Variants in GSK3B observed in about 807,000 individuals in gnomAD.
GSK3B encodes the protein glycogen synthase kinase 3 beta, also known as glycogen synthase kinase-3 beta.
Under a neutral mutation model 56.4 loss-of-function variants are expected in GSK3B, and 15 were observed. The ratio of observed to expected loss-of-function variants is 0.27; its 90% CI spans 0.18 to 0.41. GSK3B has a LOEUF of 0.41. GSK3B is among the 10% of genes least tolerant of loss of function. The pLI is 1.00. For synonymous variants in GSK3B, 181 were observed against 188.9 expected (o/e 0.96, Z 0.34); for missense variants, 300 against 513.4 (o/e 0.58, Z 4.02).
At chr3:120,003,371 A>G (rs1247910898) in intron 1 of GSK3B, among the ~76,000 whole-genome samples, 2 of 152,216 alleles carry the variant, frequency 1.3e-5, no homozygotes, top group Non-Finnish European at 2.9e-5. Flanking sequence ...ATCTGATCTA[A>G]AAGAGCTTTA....
chr3:119,943,791 GAA>G (rs1161218963), intron 3 of GSK3B, among the ~76,000 whole-genome samples: 1 of 151,696 alleles, frequency 6.6e-6, no homozygotes, highest in Non-Finnish European at 1.5e-5. Context: ...GTGTGGGGGA[GAA>G]GAGAGAGACA....
At chr3:119,981,862 G>C (rs1270598178) in intron 2 of GSK3B, among the ~76,000 whole-genome samples, 2 of 152,222 alleles carry the variant, frequency 1.3e-5, no homozygotes. Flanking sequence ...CACGGCATTT[G>C]AGCTCTGAGA....
intron 6 of GSK3B, 48 bp from the exon 7 acceptor site, chr3:119,905,900 C>T (rs1370470230): frequency 4.8e-6 from 5 of 1,033,684 alleles, no homozygotes; most frequent in Non-Finnish European, 7.6e-6. Flanking sequence ...ATAGCTTGAG[C>T]TGAAAAGTGT....
intron 4 of GSK3B, among the ~76,000 whole-genome samples, chr3:119,917,670 T>A (rs930974278): frequency 2.9e-4 from 42 of 146,652 alleles, no homozygotes; most frequent in Non-Finnish European, 4.8e-4. Context: ...TTTTTTTTTT[T>A]TAAAAAAAAA....
intron 2 of GSK3B, among the ~76,000 whole-genome samples, chr3:119,969,165 G>A (rs1476483761): frequency 6.6e-6 from 1 of 151,776 alleles, no homozygotes; most frequent in African/African-American, 2.4e-5. Flanking sequence ...GGTGGCACAC[G>A]CCTGTAATCC....
At chr3:120,030,489 A>G (rs949438788) in intron 1 of GSK3B, among the ~76,000 whole-genome samples, 2 of 152,176 alleles carry the variant, frequency 1.3e-5, no homozygotes, top group Admixed American at 6.5e-5. Context: ...AAAACCCTGT[A>G]AGATCTAGTT....
At chr3:119,944,646 T>C (rs2057082720) in intron 3 of GSK3B, among the ~76,000 whole-genome samples, 2 of 152,154 alleles carry the variant, frequency 1.3e-5, no homozygotes, top group South Asian at 2.1e-4. Flanking sequence ...CTCTTTATCC[T>C]ACTTTGTCAA....
intron 10 of GSK3B, among the ~76,000 whole-genome samples, chr3:119,831,796 C>A (rs1047399784): frequency 2.0e-5 from 3 of 152,186 alleles, no homozygotes; most frequent in Non-Finnish European, 4.4e-5. Context: ...ATTTCACTGA[C>A]TTTGAAGCTT....
chr3:120,054,061 T>C (rs1301738074), intron 1 of GSK3B, among the ~76,000 whole-genome samples: 2 of 152,210 alleles, frequency 1.3e-5, no homozygotes, highest in Non-Finnish European at 2.9e-5. Context: ...ATAACTGATA[T>C]TCATGGTAGC....
chr3:119,846,323 T>C (rs2055854421), intron 9 of GSK3B, among the ~76,000 whole-genome samples: 1 of 152,158 alleles, frequency 6.6e-6, no homozygotes, highest in Non-Finnish European at 1.5e-5. Context: ...AAAGAGCTTC[T>C]GCACAGCAAA....
chr3:119,930,469 T>G (rs1293659228), intron 3 of GSK3B, among the ~76,000 whole-genome samples: 1 of 152,180 alleles, frequency 6.6e-6, no homozygotes, highest in African/African-American at 2.4e-5. Context: ...GCTGTCAATT[T>G]ATAACCTCTG....
At chr3:120,015,083 T>C (rs528457462) in intron 1 of GSK3B, among the ~76,000 whole-genome samples, 23 of 152,222 alleles carry the variant, frequency 1.5e-4, no homozygotes, top group Non-Finnish European at 3.2e-4. Flanking sequence ...ACCTACTTAA[T>C]ATCTATAAAA....
At chr3:120,044,375 A>G (rs79368733) in intron 1 of GSK3B, among the ~76,000 whole-genome samples, 3,933 of 152,082 alleles carry the variant, frequency 0.026, 172 homozygotes, top group African/African-American at 0.089. Flanking sequence ...CAGGTATATG[A>G]TGGTATTGTG....
At chr3:120,032,004 T>C (rs922173994) in intron 1 of GSK3B, among the ~76,000 whole-genome samples, 1 of 152,202 alleles carries the variant, frequency 6.6e-6, no homozygotes, top group Non-Finnish European at 1.5e-5. Context: ...AGTCACTACA[T>C]GAGCTATTGA....
At chr3:119,955,253 A>C (rs1425115600) in intron 2 of GSK3B, among the ~76,000 whole-genome samples, 7 of 151,576 alleles carry the variant, frequency 4.6e-5, no homozygotes, top group Non-Finnish European at 7.4e-5. Context: ...AAAAAAACAC[A>C]AAAAAACTTA....
intron 2 of GSK3B, among the ~76,000 whole-genome samples, chr3:119,972,169 G>C (rs2057373655): frequency 6.6e-6 from 1 of 152,102 alleles, no homozygotes; most frequent in South Asian, 2.1e-4. Flanking sequence ...ATACAGGTAA[G>C]AGCTAATAAC....
chr3:119,977,192 T>G (rs1409296114), intron 2 of GSK3B, among the ~76,000 whole-genome samples: 1 of 152,170 alleles, frequency 6.6e-6, no homozygotes, highest in Non-Finnish European at 1.5e-5. Flanking sequence ...CTACCTAGGC[T>G]CTTCAGAAAC....
rs376259119 is a variant in GSK3B at position 119,865,393 on chromosome 3, G to C, written c.910-1788C>G. On this transcript the variant is annotated intron_variant, in intron 8 of 10. Transcript: ENST00000264235. ...AAAATTTCTTATTTTCAAAGATTTTGTGTTAAAGCTATTAATAAACCAGTA... is the reference window on the plus strand; with the variant it reads ...AAAATTTCTTATTTTCAAAGATTTTCTGTTAAAGCTATTAATAAACCAGTA... 5.8e-5 allele frequency among the ~76,000 whole-genome samples: 8 copies of C among 137,062 alleles called. No individual in the cohort carries two copies. In the South Asian group the frequency reaches 9.2e-4, roughly 16 times the overall value. The allele number at this position is 137,062 out of a possible 152,430, so 89.9% of individuals were successfully genotyped here.
intron 2 of GSK3B, among the ~76,000 whole-genome samples, chr3:119,961,497 A>C (rs1435675902): frequency 1.3e-5 from 2 of 151,924 alleles, no homozygotes; most frequent in Non-Finnish European, 2.9e-5. Context: ...GGGTGGTGGC[A>C]CACACCTATA....
Sources: allele counts gnomAD v4.1 joint callset (sites outside exome capture counted in the v4.1 genomes callset), GRCh38; gene constraint gnomAD v4.1.1; transcripts MANE v1.5; gene names NCBI Gene and HGNC (gene_info 2026-07-23, HGNC 2026-07-21).